ZNF600: variants seen among roughly 807,000 people sequenced by gnomAD.
ZNF600 encodes the protein zinc finger protein 600.
In ZNF600, 4 loss-of-function variants were observed where a neutral mutation model predicts 7.3. The observed-to-expected ratio is 0.55, with a 90% CI of 0.27 to 1.25. The LOEUF (loss-of-function observed/expected upper bound fraction) is 1.25. ZNF600 is among the 50% of genes most tolerant of loss of function. The probability of loss-of-function intolerance (pLI) is 0.12; values close to 1 mark genes in which losing one functional copy is unlikely to be tolerated. For synonymous variants in ZNF600, 290 were observed against 308.9 expected (o/e 0.94, Z 0.64); for missense variants, 911 against 922.1 (o/e 0.99, Z 0.16).
chr19:52,774,446 C>T, intron 3 of ZNF600, 129 bp downstream of exon 5: 1 of 891,858 alleles, frequency 1.1e-6, no homozygotes, highest in Non-Finnish European at 1.3e-6. Flanking sequence ...AAAAACAAAA[C>T]AAAAAAACAA....
the ZNF600 span, among the ~76,000 whole-genome samples, chr19:52,820,386 G>T: frequency 8.0e-6 from 1 of 124,332 alleles, no homozygotes; most frequent in East Asian, 2.3e-4. Flanking sequence ...CAAAGTGCTG[G>T]GATTACAGGC....
intron 2 of ZNF600, among the ~76,000 whole-genome samples, chr19:52,777,331 C>T (rs545812343): frequency 1.2e-4 from 19 of 152,024 alleles, no homozygotes; most frequent in African/African-American, 4.6e-4. Flanking sequence ...GAGCTGAGAT[C>T]CCACCACTGC....
chr19:52,806,500 T>C, the ZNF600 span, among the ~76,000 whole-genome samples: 4 of 152,056 alleles, frequency 2.6e-5, no homozygotes, highest in African/African-American at 9.7e-5. Flanking sequence ...GTCCAGGTTA[T>C]GGTAATTTTA....
the ZNF600 span, among the ~76,000 whole-genome samples, chr19:52,825,916 G>A: frequency 6.6e-6 from 1 of 152,200 alleles, no homozygotes. Context: ...TGAACCTGGA[G>A]GAAAGAGTCT....
At chr19:52,785,703 C>T (rs139641913) in intron 1 of ZNF600, among the ~76,000 whole-genome samples, 3 of 152,262 alleles carry the variant, frequency 2.0e-5, no homozygotes, top group African/African-American at 7.2e-5. Context: ...TCTCCAGCAC[C>T]TCAGATCCCC....
At chr19:52,795,600 C>T in the ZNF600 span, among the ~76,000 whole-genome samples, 2 of 152,128 alleles carry the variant, frequency 1.3e-5, no homozygotes, top group African/African-American at 4.8e-5. Context: ...TGGAGTCTCA[C>T]CCTGTAGCCC....
chr19:52,801,646 C>G, the ZNF600 span: 1 of 1,613,454 alleles, frequency 6.2e-7, no homozygotes, highest in Non-Finnish European at 8.5e-7. Context: ...TGGAACGCTT[C>G]TGTATTGCCT....
the ZNF600 span, chr19:52,801,235 G>T: frequency 6.2e-7 from 1 of 1,614,100 alleles, no homozygotes; most frequent in Non-Finnish European, 8.5e-7. Flanking sequence ...TTCCGTTTTT[G>T]TGTGAGTAAT....
At chr19:52,809,976 G>A in the ZNF600 span, 2 of 784,938 alleles carry the variant, frequency 2.5e-6, no homozygotes, top group Non-Finnish European at 4.4e-6. Context: ...GAACGGCCTG[G>A]AGTCTGAGGA....
intron 2 of ZNF600, among the ~76,000 whole-genome samples, chr19:52,778,297 A>C: frequency 6.6e-6 from 1 of 151,500 alleles, no homozygotes; most frequent in Non-Finnish European, 1.5e-5. Flanking sequence ...TACAGGTGTG[A>C]GCACCTGAAC....
At chr19:52,812,536 A>G in the ZNF600 span, among the ~76,000 whole-genome samples, 16 of 124,366 alleles carry the variant, frequency 1.3e-4, no homozygotes, top group South Asian at 2.6e-4. Context: ...GCGGTGCAAG[A>G]TGTGCTTTGT....
At chr19:52,783,423 G>A (rs1029767128) in intron 1 of ZNF600, among the ~76,000 whole-genome samples, 2 of 152,130 alleles carry the variant, frequency 1.3e-5, no homozygotes, top group South Asian at 2.1e-4. Flanking sequence ...GGGCAGTGGC[G>A]CGATCTCGGC....
chr19:52,810,750 A>G, the ZNF600 span: 1 of 626,746 alleles, frequency 1.6e-6, no homozygotes, highest in Non-Finnish European at 2.8e-6. Flanking sequence ...AAGAGGAAAG[A>G]AGGGGAAAAA....
chr19:52,779,808 A>G (rs1196507695), intron 1 of ZNF600, among the ~76,000 whole-genome samples: 1 of 152,142 alleles, frequency 6.6e-6, no homozygotes, highest in Non-Finnish European at 1.5e-5. Context: ...CTGTGGGATT[A>G]CACAGGTAGA....
chr19:52,773,260 A>C (rs1349046857), intron 3 of ZNF600, among the ~76,000 whole-genome samples: 1 of 152,206 alleles, frequency 6.6e-6, no homozygotes, highest in African/African-American at 2.4e-5. Context: ...AAGAAAGTGG[A>C]ACTAATTTAG....
the ZNF600 span, chr19:52,799,985 T>A: frequency 2.5e-6 from 4 of 1,612,858 alleles, no homozygotes; most frequent in Admixed American, 1.7e-5. Flanking sequence ...TTATAAGCGA[T>A]GATGTCTGAC....
chr19:52,811,173 T>C, the ZNF600 span, among the ~76,000 whole-genome samples: 12 of 150,960 alleles, frequency 7.9e-5, no homozygotes, highest in East Asian at 3.9e-4. Flanking sequence ...GGATTGCAGA[T>C]GGAGTCTCGT....
At chr19:52,788,507 C>A (rs113571890), upstream of ZNF600, among the ~76,000 whole-genome samples, 6,229 of 152,198 alleles carry the variant, frequency 0.041, 182 homozygotes, top group Non-Finnish European at 0.062. Flanking sequence ...GAGACCTCAC[C>A]AGGGATAAAG....
At chr19:52,801,717 C>T in the ZNF600 span, 4 of 1,603,324 alleles carry the variant, frequency 2.5e-6, no homozygotes, top group African/African-American at 1.3e-5. Context: ...AAAATATAAA[C>T]ACCAATAGGT....
Sources: allele counts gnomAD v4.1 joint callset (sites outside exome capture counted in the v4.1 genomes callset), GRCh38; gene constraint gnomAD v4.1.1; transcripts MANE v1.5; gene names NCBI Gene and HGNC (gene_info 2026-07-23, HGNC 2026-07-21).